The following KLHL1 variants were observed in gnomAD, a reference collection of about 807,000 sequenced individuals.
The protein encoded by KLHL1 is kelch like family member 1.
KLHL1 carries 47 observed loss-of-function variants against 77.7 expected under a neutral mutation model. That is an observed-to-expected ratio of 0.60 (90% CI 0.48 to 0.77). The LOEUF (loss-of-function observed/expected upper bound fraction) is 0.77. Ranked by LOEUF, KLHL1 falls within the 30% of genes least tolerant of loss-of-function variation. The pLI is 0.00. For synonymous variants in KLHL1, 360 were observed against 325.2 expected (o/e 1.11, Z -1.15); for missense variants, 925 against 910.8 (o/e 1.02, Z -0.20).
intron 1 of KLHL1, among the ~76,000 whole-genome samples, chr13:70,079,014 T>C (rs1167223903): frequency 1.3e-5 from 2 of 152,160 alleles, no homozygotes; most frequent in Non-Finnish European, 2.9e-5. Flanking sequence ...AGCAGAGAAA[T>C]GGAATAGTTT....
intron 5 of KLHL1, among the ~76,000 whole-genome samples, chr13:69,841,641 C>G (rs569001250): frequency 2.6e-5 from 4 of 151,922 alleles, no homozygotes; most frequent in African/African-American, 9.6e-5. Flanking sequence ...TCAAATCATT[C>G]TATAGGCTAA....
At chr13:69,813,684 A>G (rs1240158512) in intron 6 of KLHL1, among the ~76,000 whole-genome samples, 1 of 152,150 alleles carries the variant, frequency 6.6e-6, no homozygotes, top group Non-Finnish European at 1.5e-5. Context: ...CTGGGAATAA[A>G]TATAACCAAG....
chr13:70,052,494 A>C (rs1178074703), intron 1 of KLHL1, among the ~76,000 whole-genome samples: 1 of 151,916 alleles, frequency 6.6e-6, no homozygotes. Context: ...AAATTTAGAA[A>C]TCACTATCAA....
intron 1 of KLHL1, among the ~76,000 whole-genome samples, chr13:70,098,533 T>C (rs987498682): frequency 7.9e-5 from 12 of 151,842 alleles, no homozygotes; most frequent in Non-Finnish European, 1.3e-4. Context: ...TAAGTAAATA[T>C]TGATAATATT....
chr13:69,886,993 C>T (rs1881244507), intron 4 of KLHL1, among the ~76,000 whole-genome samples: 1 of 152,068 alleles, frequency 6.6e-6, no homozygotes, highest in Non-Finnish European at 1.5e-5. Context: ...TCTTAGGAGG[C>T]TCATAATGCC....
At chr13:69,982,448 A>ATAG (rs1884738304) in intron 1 of KLHL1, among the ~76,000 whole-genome samples, 2 of 134,078 alleles carry the variant, frequency 1.5e-5, no homozygotes, top group Admixed American at 1.4e-4. Context: ...AATAATAATA[A>ATAG]TAATAATAAT....
intron 2 of KLHL1, among the ~76,000 whole-genome samples, chr13:69,973,665 C>T (rs963756386): frequency 2.0e-5 from 3 of 151,858 alleles, no homozygotes; most frequent in East Asian, 3.9e-4. Flanking sequence ...TTTCATCTTG[C>T]AAAAGTATCA....
chr13:69,989,341 T>C (rs1322531696), intron 1 of KLHL1, among the ~76,000 whole-genome samples: 1 of 151,956 alleles, frequency 6.6e-6, no homozygotes, highest in Non-Finnish European at 1.5e-5. Flanking sequence ...TAGTATCATG[T>C]TGTTTTGCTT....
At chr13:70,067,042 C>T (rs970831375) in intron 1 of KLHL1, among the ~76,000 whole-genome samples, 1 of 152,102 alleles carries the variant, frequency 6.6e-6, no homozygotes, top group East Asian at 1.9e-4. Flanking sequence ...TGGGAAATAA[C>T]ATTAAGAGAA....
Position 69,747,994 on chromosome 13 carries a change from C to A in KLHL1, c.1640-7438G>T, listed in dbSNP as rs540184327. The stretch of plus-strand genomic sequence containing the variant: ...ACATTTACATTATCCATTAATCTTT[C>A]AACACAGGTATCTATCCTTTGCTCT... On this transcript the variant is annotated intron_variant, in intron 7 of 10. Coordinates refer to ENST00000377844, the MANE Select transcript of KLHL1 (RefSeq NM_020866.3). 3.9e-5 allele frequency among the ~76,000 whole-genome samples: 6 copies of A among 152,104 alleles called. No individual in the cohort carries two copies. The South Asian group carries it at 1.2e-3, about 32-fold the overall frequency.
At chr13:69,807,200 A>G (rs894897404) in intron 6 of KLHL1, among the ~76,000 whole-genome samples, 34 of 152,084 alleles carry the variant, frequency 2.2e-4, no homozygotes, top group Admixed American at 2.0e-3. Context: ...ATCCAGTTGT[A>G]ATTGGACTGC....
chr13:69,919,582 C>A (rs1407052081), intron 4 of KLHL1, among the ~76,000 whole-genome samples: 1 of 151,998 alleles, frequency 6.6e-6, no homozygotes, highest in Non-Finnish European at 1.5e-5. Context: ...TAAATGGAGT[C>A]CCTGATGCAA....
chr13:69,901,291 T>A (rs1881847631), intron 4 of KLHL1, among the ~76,000 whole-genome samples: 2 of 152,212 alleles, frequency 1.3e-5, no homozygotes, highest in Admixed American at 1.3e-4. Context: ...AGAATATAAA[T>A]GTAACTAATA....
chr13:69,875,291 G>A (rs2001857270), intron 5 of KLHL1, among the ~76,000 whole-genome samples: 2 of 151,902 alleles, frequency 1.3e-5, no homozygotes, highest in South Asian at 4.2e-4. Flanking sequence ...AAAGAGAGCT[G>A]GAATAGTGAA....
chr13:70,027,758 T>C (rs1885992447), intron 1 of KLHL1, among the ~76,000 whole-genome samples: 1 of 151,684 alleles, frequency 6.6e-6, no homozygotes, highest in African/African-American at 2.4e-5. Context: ...ATGTTTATTG[T>C]TTTAAGCCTC....
intron 3 of KLHL1, among the ~76,000 whole-genome samples, chr13:69,944,644 A>G (rs187022805): frequency 5.3e-5 from 8 of 152,300 alleles, no homozygotes; most frequent in Admixed American, 4.6e-4. Context: ...TTTCACACCA[A>G]ATTAATCTAT....
intron 5 of KLHL1, among the ~76,000 whole-genome samples, chr13:69,840,923 A>G (rs1879233046): frequency 6.6e-6 from 1 of 151,702 alleles, no homozygotes; most frequent in Non-Finnish European, 1.5e-5. Flanking sequence ...CTTGTATCTG[A>G]GTCTTTTCAT....
At chr13:69,774,672 ACAC>A (rs150264314) in intron 7 of KLHL1, among the ~76,000 whole-genome samples, 35,470 of 149,076 alleles carry the variant, frequency 0.24, 4,194 homozygotes, top group South Asian at 0.31. Context: ...ATAAAAAAAA[ACAC>A]ACACACACAA....
At chr13:70,000,467 C>A (rs888597938) in intron 1 of KLHL1, among the ~76,000 whole-genome samples, 1 of 151,728 alleles carries the variant, frequency 6.6e-6, no homozygotes, top group Admixed American at 6.6e-5. Flanking sequence ...TATATAATAC[C>A]GTTAGTAAGC....
Sources: allele counts gnomAD v4.1 joint callset (sites outside exome capture counted in the v4.1 genomes callset), GRCh38; gene constraint gnomAD v4.1.1; transcripts MANE v1.5; gene names NCBI Gene and HGNC (gene_info 2026-07-23, HGNC 2026-07-21).